OR2AK2: variants seen among roughly 807,000 people sequenced by gnomAD.
The protein encoded by OR2AK2 is olfactory receptor family 2 subfamily AK member 2.
For synonymous variants in OR2AK2, 139 were observed against 147.2 expected, an observed-to-expected ratio of 0.94 and a Z score of 0.40; for missense variants, 392 against 384.1, an observed-to-expected ratio of 1.02 and a Z score of -0.17.
chr1:247,965,522 T>C, exon 1 of OR2AK2: 2 of 1,613,378 alleles, frequency 1.2e-6, no homozygotes, highest in Non-Finnish European at 1.7e-6. Context: ...ATCCACCTCA[T>C]TCGACTGAAC....
rs138149472 is a variant in OR2AK2 at position 247,966,329 on chromosome 1, C to T, written c.953C>T (p.Ser318Phe). 42 of 1,610,970 alleles carry T rather than the reference C, an allele frequency of 2.6e-5. No homozygotes were observed. The African/African-American group carries it at 5.5e-4, about 21-fold the overall frequency. Residue 318 changes from serine to phenylalanine, a missense_variant, in exon 1 of 1, where the codon TCT becomes TTT. Physicochemically the swap from Ser to Phe is radical, Grantham distance 155. Coordinates refer to ENST00000366480, the Ensembl canonical transcript of OR2AK2. ...TGCTGTAGAAAATATGACTTCAGAT[C>T]TCTGTATTGATTGAGCATTAACAAC...
In OR2AK2 at chr1:247,965,682, T is replaced by C; in HGVS notation, c.306T>C (p.Tyr102=). The change falls in exon 1 of 1, where the codon TAT becomes TAC. Residue 102 remains tyrosine, a synonymous_variant. Transcript: ENST00000366480. ...TTTTGGGCTGTGAGATTCAAACGTA[T>C]GTGTTCTTGGCCCTTGGTGGAACTG... The C allele has an allele frequency of 2.6e-6, 4 of 1,552,818 alleles. No individual in the cohort carries two copies. The South Asian group carries it at 3.8e-5, about 15-fold the overall frequency.
Position 247,965,540 on chromosome 1 carries a change from TC to T in OR2AK2, c.166del (p.His56ThrfsTer69). 7.4e-6 allele frequency: 12 copies of T among 1,612,508 alleles called. No individual in the cohort carries two copies. The highest frequency in any genetic ancestry group is 1.0e-5 in the Non-Finnish European group (12 of 1,179,256). On this transcript the variant is annotated frameshift_variant, in exon 1 of 1. Transcript: ENST00000366480. LOFTEE classifies it low-confidence loss of function (END_TRUNC). The stretch of plus-strand genomic sequence containing the variant: ...CACCTCATTCGACTGAACACCAGAC[TC>T]CACACTCCAATGTACTTTCTGCTCA...
chr1:247,965,501 A>G, exon 1 of OR2AK2: 2 of 1,613,706 alleles, frequency 1.2e-6, no homozygotes, highest in Non-Finnish European at 1.7e-6. Context: ...CTGACAGGAA[A>G]TATCATGCTG....
chr1:247,966,273 G>A, exon 1 of OR2AK2: 1 of 1,613,682 alleles, frequency 6.2e-7, no homozygotes, highest in East Asian at 2.2e-5. Flanking sequence ...AAGTGACGGG[G>A]GCAGTGAGGA....
chr1:247,965,367 G>C, exon 1 of OR2AK2: 1 of 1,602,386 alleles, frequency 6.2e-7, no homozygotes, highest in Non-Finnish European at 8.5e-7. Flanking sequence ...TTGATATTTT[G>C]GTTTCAGCCA....
chr1:247,965,282 C>T, exon 1 of OR2AK2: 2 of 1,383,806 alleles, frequency 1.4e-6, no homozygotes, highest in Non-Finnish European at 1.9e-6. Flanking sequence ...ATATTTATTT[C>T]TGAATGCCAT....
chr1:247,965,858 T>G (rs774356518), exon 1 of OR2AK2: 1 of 1,613,858 alleles, frequency 6.2e-7, no homozygotes. Flanking sequence ...ATACATACAT[T>G]GTATGTGTTT....
exon 1 of OR2AK2, chr1:247,966,011 T>C (rs1368323438): frequency 2.5e-6 from 4 of 1,613,510 alleles, no homozygotes; most frequent in Non-Finnish European, 3.4e-6. Flanking sequence ...CTACCATTCC[T>C]AGCCATTCTG....
rs780370303 is a variant in OR2AK2, at chr1:247,965,351, T to C, written c.-26T>C. On this transcript the variant is annotated 5_prime_UTR_variant, in exon 1 of 1. Transcript: ENST00000366480. ...TATTACATGAACATTTCAGATGTCA[T>C]CTCCTTTGATATTTTGGTTTCAGCC... 31 of 1,588,972 alleles carry C rather than the reference T, an allele frequency of 2.0e-5. No homozygotes were observed. The highest frequency in any genetic ancestry group is 2.2e-5 in the Non-Finnish European group (26 of 1,169,006).
chr1:247,965,698 G>A, exon 1 of OR2AK2: 1 of 1,555,488 alleles, frequency 6.4e-7, no homozygotes, highest in African/African-American at 1.4e-5. Flanking sequence ...CTTGGCCCTT[G>A]GTGGAACTGA....
At chr1:247,965,427 T>G in exon 1 of OR2AK2, 1 of 1,613,520 alleles carries the variant, frequency 6.2e-7, no homozygotes. Flanking sequence ...TTGTTGGTCT[T>G]TTCCAATATG....
Position 247,965,538 on chromosome 1 carries a change from AC to A in OR2AK2, c.163del (p.Leu55SerfsTer70). The stretch of plus-strand genomic sequence containing the variant: ...TCCACCTCATTCGACTGAACACCAG[AC>A]TCCACACTCCAATGTACTTTCTGCT... On this transcript the variant is annotated frameshift_variant, in exon 1 of 1. Transcript: ENST00000366480. LOFTEE classifies it low-confidence loss of function (END_TRUNC). 3 of 1,611,808 alleles carry A rather than the reference AC, an allele frequency of 1.9e-6. No homozygotes were observed. The African/African-American group carries it at 4.0e-5, about 22-fold the overall frequency.
exon 1 of OR2AK2, chr1:247,966,281 G>C: frequency 1.2e-5 from 20 of 1,613,812 alleles, no homozygotes; most frequent in Non-Finnish European, 1.7e-5. Context: ...GGGGCAGTGA[G>C]GAGACTGTTG....
chr1:247,965,272 A>G (rs980749680), exon 1 of OR2AK2: 3 of 1,338,868 alleles, frequency 2.2e-6, no homozygotes, highest in African/African-American at 1.5e-5. Flanking sequence ...ATGTAAGTGA[A>G]TATTTATTTC....
In OR2AK2 at chr1:247,965,515, CACCTCATTCGACT is replaced by C; in HGVS notation, c.140_152del (p.His47ArgfsTer74). 1 of 1,613,264 alleles carries C rather than the reference CACCTCATTCGACT, an allele frequency of 6.2e-7. No individual in the cohort carries two copies. The highest frequency in any genetic ancestry group is 8.5e-7 in the Non-Finnish European group (1 of 1,179,638). ...TCTGACAGGAAATATCATGCTGATC[CACCTCATTCGACT>C]GAACACCAGACTCCACACTCCAATG... On this transcript the variant is annotated frameshift_variant, in exon 1 of 1. Transcript: ENST00000366480. LOFTEE classifies it low-confidence loss of function (END_TRUNC).
At chr1:247,965,385 A>G (rs1660942563) in exon 1 of OR2AK2, 4 of 1,609,200 alleles carry the variant, frequency 2.5e-6, no homozygotes, top group Non-Finnish European at 8.5e-7. Flanking sequence ...CCATGAAAAC[A>G]GGAAATCAAA....
Position 247,966,328 on chromosome 1 carries a change from T to A in OR2AK2, c.952T>A (p.Ser318Thr), listed in dbSNP as rs765252571. ...ATGCTGTAGAAAATATGACTTCAGA[T>A]CTCTGTATTGATTGAGCATTAACAA... The change falls in exon 1 of 1, where the codon TCT (serine) becomes ACT (threonine). Residue 318 changes from serine (S) to threonine (T), a missense_variant. By Grantham distance (58) the Ser-to-Thr change is moderately conservative. Coordinates refer to ENST00000366480, the Ensembl canonical transcript of OR2AK2. The A allele has an allele frequency of 1.9e-6, 3 of 1,611,434 alleles. No individual in the cohort carries two copies. Among genetic ancestry groups the A allele is most frequent in the South Asian group, 2.2e-5 (2 of 90,428 alleles).
exon 1 of OR2AK2, chr1:247,965,545 A>G: frequency 1.2e-6 from 2 of 1,610,156 alleles, no homozygotes; most frequent in Non-Finnish European, 8.5e-7. Context: ...CAGACTCCAC[A>G]CTCCAATGTA....
Sources: allele counts gnomAD v4.1 joint callset, GRCh38; gene constraint gnomAD v4.1.1; transcripts MANE v1.5; gene names NCBI Gene and HGNC (gene_info 2026-07-23, HGNC 2026-07-21).